The following CEP192 variants were observed in gnomAD, a reference collection of about 807,000 sequenced individuals.
The protein encoded by CEP192 is centrosomal protein 192.
CEP192 carries 151 observed loss-of-function variants against 271.8 expected under a neutral mutation model. That is an observed-to-expected ratio of 0.56 (90% confidence interval 0.49 to 0.64). CEP192 has a LOEUF of 0.64. Ranked by LOEUF, CEP192 falls within the 30% of genes least tolerant of loss-of-function variation. The pLI is 0.00. For missense variants in CEP192, 2,910 were observed against 3,020.5 expected, an observed-to-expected ratio of 0.96 and a Z score of 0.86; for synonymous variants, 995 against 1,076.5, an observed-to-expected ratio of 0.92 and a Z score of 1.48.
At chr18:12,999,664 A>G in intron 2 of CEP192, 76 bp downstream of exon 2, 1 of 1,122,476 alleles carries the variant, frequency 8.9e-7, no homozygotes, top group East Asian at 2.9e-5. Context: ...TCTGTTTCTC[A>G]GTCAAGCTTG....
chr18:13,029,572 C>G, intron 9 of CEP192, 91 bp from the exon 10 acceptor site: 1 of 750,662 alleles, frequency 1.3e-6, no homozygotes, highest in South Asian at 2.2e-5. Context: ...TTTATATCAA[C>G]TATATAATTT....
At position 13,078,750 on chromosome 18, in the gene CEP192, C is replaced by T. The variant is rs140477095; in HGVS notation, c.5616+5565C>T. Among the ~76,000 whole-genome samples, 866 of 152,118 alleles carry T rather than the reference C, an allele frequency of 5.7e-3. 12 individuals are homozygous for T. The highest frequency in any genetic ancestry group is 0.02 in the African/African-American group (829 of 41,478). On this transcript the variant is annotated intron_variant, in intron 30 of 44. Transcript: ENST00000506447. ...ACTGCACCCATTAACTCGTCATTTA[C>T]GTTAGGTATATCTCCTAATGCTATC...
At chr18:13,094,735 T>C (rs2039307694) in intron 34 of CEP192, among the ~76,000 whole-genome samples, 1 of 152,228 alleles carries the variant, frequency 6.6e-6, no homozygotes, top group Non-Finnish European at 1.5e-5. Context: ...CGTGGACTAA[T>C]GTACAAATCC....
intron 6 of CEP192, 118 bp from the exon 7 acceptor site, chr18:13,017,070 A>G: frequency 2.8e-6 from 2 of 716,366 alleles, no homozygotes; most frequent in African/African-American, 1.8e-5. Context: ...TCAAACAAAA[A>G]AGACACCAAA....
chr18:13,103,505 T>G lies in CEP192; in HGVS notation c.6872-4T>G. ...TTGAGTTATGATATATGTGTTCCTT[T>G]TAGAGAGCTGTCTAGAACTCGAGAA... On this transcript the variant is annotated splice_region_variant and splice_polypyrimidine_tract_variant and intron_variant, in intron 38 of 44. Coordinates refer to ENST00000506447, the MANE Select transcript of CEP192 (RefSeq NM_032142.4). 1.9e-6 allele frequency: 3 copies of G among 1,612,572 alleles called. No homozygotes were observed. Among genetic ancestry groups the G allele is most frequent in the Non-Finnish European group, 2.5e-6 (3 of 1,178,722 alleles).
intron 7 of CEP192, among the ~76,000 whole-genome samples, chr18:13,017,984 A>G (rs2034756746): frequency 6.6e-6 from 1 of 152,158 alleles, no homozygotes; most frequent in Non-Finnish European, 1.5e-5. Flanking sequence ...TCTAGTCAGG[A>G]GGGAAAAATA....
chr18:13,076,325 A>G (rs570372064), intron 30 of CEP192, among the ~76,000 whole-genome samples: 1 of 152,224 alleles, frequency 6.6e-6, no homozygotes, highest in Admixed American at 6.5e-5. Context: ...CCCAGGTTCA[A>G]GCAGTTCTCT....
At chr18:13,082,028 T>C (rs2038636879) in intron 30 of CEP192, among the ~76,000 whole-genome samples, 1 of 152,208 alleles carries the variant, frequency 6.6e-6, no homozygotes, top group Admixed American at 6.5e-5. Context: ...CTTCCAACTA[T>C]GTGGTCAGTT....
chr18:13,013,381 G>A (rs1393342463), intron 5 of CEP192, among the ~76,000 whole-genome samples: 1 of 152,176 alleles, frequency 6.6e-6, no homozygotes, highest in East Asian at 1.9e-4. Context: ...TGAGTGTCTG[G>A]AATGGTTCTC....
At chr18:13,023,364 T>C (rs1288311313) in intron 9 of CEP192, among the ~76,000 whole-genome samples, 1 of 152,160 alleles carries the variant, frequency 6.6e-6, no homozygotes, top group Non-Finnish European at 1.5e-5. Context: ...TACTATTAAG[T>C]ATGATGCTAG....
Position 13,067,787 on chromosome 18 carries a change from AAT to A in CEP192, c.4489-39_4489-38del, listed in dbSNP as rs756496446. 3.9e-6 allele frequency: 6 copies of A among 1,523,944 alleles called. No homozygotes were observed. In the Admixed American group the frequency reaches 1.0e-4, roughly 26 times the overall value. The allele number at this position is 1,523,944 out of a possible 1,614,324, so 94.4% of individuals were successfully genotyped here. A position where few individuals can be genotyped will look rare whatever the true frequency, so the allele number is the denominator to read the frequency against. On this transcript the variant is annotated intron_variant, in intron 21 of 44. Transcript: ENST00000506447. ...ATATGAACATACATGTTGTGCTATT[AAT>A]ATATTGCTTTTCATAAATCATTCCC...
intron 39 of CEP192, 153 bp downstream of exon 39, chr18:13,103,741 A>T (rs2039825215): frequency 1.5e-6 from 1 of 686,654 alleles, no homozygotes; most frequent in African/African-American, 1.8e-5. Flanking sequence ...CCCAGGCTGG[A>T]GTGCAGTGGT....
chr18:13,020,986 T>C (rs890280975), intron 9 of CEP192, among the ~76,000 whole-genome samples: 1 of 152,220 alleles, frequency 6.6e-6, no homozygotes, highest in Non-Finnish European at 1.5e-5. Context: ...ACCAAATGTA[T>C]GAATTGCAAA....
At chr18:13,072,603 A>G (rs1568374557) in intron 28 of CEP192, 152 bp from the exon 29 acceptor site, 2 of 642,742 alleles carry the variant, frequency 3.1e-6, no homozygotes, top group Non-Finnish European at 2.8e-6. Context: ...CGTAGAGCCT[A>G]GGACTGTGGG....
rs755456874 is a variant in CEP192, at chr18:13,103,561, G to A, written c.6924G>A (p.Leu2308=). ...NHGTTDVKWH[L]SSLAPPYVKG... ...GCACCACAGACGTGAAATGGCATCT[G>A]TCATCTTTAGCGCCACCTTATGTCA... is the stretch of plus-strand genomic sequence containing the variant. The change falls in exon 39 of 45, where the codon CTG becomes CTA. Residue 2308 remains leucine (L), a synonymous_variant. Transcript: ENST00000506447. 1 of 1,613,906 alleles carries A rather than the reference G, an allele frequency of 6.2e-7. No homozygotes were observed. The highest frequency in any genetic ancestry group is 1.1e-5 in the South Asian group (1 of 91,082).
chr18:13,054,889 A>G (rs2036998875), intron 18 of CEP192, among the ~76,000 whole-genome samples: 1 of 152,206 alleles, frequency 6.6e-6, no homozygotes, highest in Admixed American at 6.5e-5. Context: ...ATTATGTACA[A>G]ACAAATGAGT....
At chr18:13,035,643 G>A (rs1356419968) in intron 11 of CEP192, among the ~76,000 whole-genome samples, 1 of 152,146 alleles carries the variant, frequency 6.6e-6, no homozygotes, top group Non-Finnish European at 1.5e-5. Context: ...TTTGGGCCGA[G>A]TTTCCTACTT....
At position 13,040,911 on chromosome 18, in the gene CEP192, A is replaced by G. The variant is rs2036166870; in HGVS notation, c.1891A>G (p.Asn631Asp). The G allele has an allele frequency of 6.2e-7, 1 of 1,610,462 alleles. No homozygotes were observed. Among genetic ancestry groups the G allele is most frequent in the South Asian group, 1.1e-5 (1 of 90,758 alleles). ...AAGAAAATCTGATGTATCAAGAGGT[A>G]ATTTGGAAAAAGAAATGGCTCATCT... The part of the protein sequence containing the change: ...LIRKSDVSRG[N>D]LEKEMAHLNH... The change falls in exon 14 of 45, where the codon AAT becomes GAT. Residue 631 changes from asparagine to aspartate, a missense_variant. Coordinates refer to ENST00000506447, the MANE Select transcript of CEP192 (RefSeq NM_032142.4).
chr18:13,109,882 A>G (rs1258919374), intron 40 of CEP192, among the ~76,000 whole-genome samples: 1 of 152,232 alleles, frequency 6.6e-6, no homozygotes, highest in Non-Finnish European at 1.5e-5. Flanking sequence ...AGATTAGTTA[A>G]AAATTCAAAA....
Sources: gnomAD v4.1 joint callset for allele counts (sites outside exome capture counted in the v4.1 genomes callset) on GRCh38, gnomAD v4.1.1 for gene constraint, MANE v1.5 for transcripts, NCBI Gene and HGNC (gene_info 2026-07-23, HGNC 2026-07-21) for gene names.